The following B3GNT3 variants were observed in gnomAD, a reference collection of about 807,000 sequenced individuals.
B3GNT3 encodes the protein UDP-GlcNAc:betaGal beta-1,3-N-acetylglucosaminyltransferase 3.
B3GNT3 carries 7 observed loss-of-function variants against 11.6 expected under a neutral mutation model. The observed-to-expected ratio is 0.60, with a 90% CI of 0.34 to 1.13. The LOEUF is 1.13. B3GNT3 is among the 50% of genes most tolerant of loss of function. The pLI is 0.03. For synonymous variants in B3GNT3, 201 were observed against 222.1 expected, an observed-to-expected ratio of 0.90 and a Z score of 0.85; for missense variants, 400 against 507.4, an observed-to-expected ratio of 0.79 and a Z score of 2.03.
rs2094182740 is a variant in B3GNT3, at chr19:17,812,702, AT to A, written c.*581del. 6.6e-6 allele frequency: 1 copy of A among 152,654 alleles called. No individual in the cohort carries two copies. The highest frequency in any genetic ancestry group is 2.1e-4 in the South Asian group (1 of 4,806). The allele number at this position is 152,654 out of a possible 1,614,324, so 9.5% of individuals were successfully genotyped here. On this transcript the variant is annotated 3_prime_UTR_variant, in exon 3 of 3. Transcript: ENST00000318683. ...GCCCCCTCCTTACTTGTGGGATCAA[AT>A]GCTGTAATGGTGGAGGTGTGGGCAG...
At chr19:17,797,993 C>T (rs948578492) in intron 1 of B3GNT3, among the ~76,000 whole-genome samples, 6 of 152,184 alleles carry the variant, frequency 3.9e-5, no homozygotes, top group African/African-American at 1.2e-4. Flanking sequence ...TGGCCTCAGT[C>T]GGCTGTGTGA....
chr19:17,801,615 C>T (rs1431122170), intron 1 of B3GNT3, among the ~76,000 whole-genome samples: 2 of 152,102 alleles, frequency 1.3e-5, no homozygotes, highest in Non-Finnish European at 2.9e-5. Flanking sequence ...TCCCAAGTAG[C>T]TGGGACTACA....
intron 1 of B3GNT3, among the ~76,000 whole-genome samples, chr19:17,799,617 C>A (rs1381905299): frequency 6.6e-6 from 1 of 151,912 alleles, no homozygotes; most frequent in Non-Finnish European, 1.5e-5. Context: ...GTGGCCCCAG[C>A]TACTCGGCCC....
chr19:17,810,793 A>T (rs868863440), intron 2 of B3GNT3, among the ~76,000 whole-genome samples: 2 of 151,918 alleles, frequency 1.3e-5, no homozygotes, highest in Non-Finnish European at 2.9e-5. Context: ...AGGCAGAAGA[A>T]TTGCTTGAAC....
Position 17,795,490 on chromosome 19 carries a change from AC to A in B3GNT3, c.-51+289del, listed in dbSNP as rs931667307. 3.3e-5 allele frequency among the ~76,000 whole-genome samples: 5 copies of A among 152,006 alleles called. No individual in the cohort carries two copies. The South Asian group carries it at 8.3e-4, about 25-fold the overall frequency. On this transcript the variant is annotated intron_variant, in intron 1 of 2. Transcript: ENST00000318683. ...CCCCTCCCAGATTGGGCGGGATCAG[AC>A]CCCCGAGGCGGATGCCGCTTAGTCA...
intron 1 of B3GNT3, among the ~76,000 whole-genome samples, chr19:17,805,663 G>A (rs1400727475): frequency 2.0e-5 from 3 of 152,092 alleles, no homozygotes; most frequent in Non-Finnish European, 4.4e-5. Flanking sequence ...CACTCTGTCT[G>A]GAATGCCCTT....
intron 1 of B3GNT3, among the ~76,000 whole-genome samples, chr19:17,805,430 C>G (rs1173061699): frequency 6.6e-6 from 1 of 152,136 alleles, no homozygotes; most frequent in African/African-American, 2.4e-5. Context: ...ATAAATCAAT[C>G]TGATCCCTCC....
intron 1 of B3GNT3, among the ~76,000 whole-genome samples, chr19:17,799,773 T>A (rs28415068): frequency 4.0e-4 from 15 of 37,964 alleles, no homozygotes; most frequent in Non-Finnish European, 6.4e-4. Context: ...GCGACCAGGC[T>A]GGTTAGGGGT....
intron 2 of B3GNT3, among the ~76,000 whole-genome samples, chr19:17,810,206 A>C (rs10402066): frequency 0.57 from 86,474 of 151,906 alleles, 25,067 homozygotes; most frequent in African/African-American, 0.65. Flanking sequence ...AAAACACAAA[A>C]GTGGCTAGGC....
At chr19:17,804,671 G>C (rs970338966) in intron 1 of B3GNT3, among the ~76,000 whole-genome samples, 2 of 150,588 alleles carry the variant, frequency 1.3e-5, no homozygotes, top group African/African-American at 4.9e-5. Context: ...CTGAGTAGCT[G>C]GGATTACAGG....
intron 2 of B3GNT3, among the ~76,000 whole-genome samples, chr19:17,810,355 A>T (rs2147654998): frequency 6.6e-6 from 1 of 152,118 alleles, no homozygotes; most frequent in Non-Finnish European, 1.5e-5. Context: ...GGTTGGAGTG[A>T]GTTAAGATTG....
chr19:17,807,311 A>G (rs1020137974), intron 1 of B3GNT3, among the ~76,000 whole-genome samples: 7 of 151,540 alleles, frequency 4.6e-5, no homozygotes, highest in African/African-American at 1.7e-4. Flanking sequence ...CCAACATGGT[A>G]AAACCCCGTC....
At chr19:17,806,817 T>G (rs940858068) in intron 1 of B3GNT3, among the ~76,000 whole-genome samples, 1 of 151,728 alleles carries the variant, frequency 6.6e-6, no homozygotes, top group Non-Finnish European at 1.5e-5. Context: ...CTGGGCGTGG[T>G]GGCGCGTGCC....
chr19:17,795,507 C>T (rs2094158552), intron 1 of B3GNT3, among the ~76,000 whole-genome samples: 1 of 152,236 alleles, frequency 6.6e-6, no homozygotes, highest in African/African-American at 2.4e-5. Flanking sequence ...AGGCGGATGC[C>T]GCTTAGTCAG....
chr19:17,811,512 G>C lies in B3GNT3; in HGVS notation c.568-59G>C. Reference sequence around the variant, plus strand: ...TTAGTGGGCTGGAGTGGCTAATAGAGACCCAAGGCCAATTTCTCCAGCCCT... The same window carrying C: ...TTAGTGGGCTGGAGTGGCTAATAGACACCCAAGGCCAATTTCTCCAGCCCT... On this transcript the variant is annotated intron_variant, in intron 2 of 2. Transcript: ENST00000318683. This position sits in a 1 kb window ranked among gnomAD's most constrained non-coding sequence, Gnocchi z 4.1. The C allele has an allele frequency of 6.6e-7, 1 of 1,523,466 alleles. No homozygotes were observed. The highest frequency in any genetic ancestry group is 8.8e-7 in the Non-Finnish European group (1 of 1,131,226). The allele number at this position is 1,523,466 out of a possible 1,614,324, so 94.4% of individuals were successfully genotyped here.
In B3GNT3 at chr19:17,807,986, C is replaced by G. The variant is rs377004909; in HGVS notation, c.179C>G (p.Pro60Arg). The change falls in exon 2 of 3, where the codon CCG (proline) becomes CGG (arginine). Residue 60 changes from proline (P) to arginine (R), a missense_variant. Transcript: ENST00000318683. ...PTPPTRPAPA[P>R]CHANTSMVTH... ...CCACCCACCCGCCCAGCCCCGGCCC[C>G]GTGCCATGCCAACACCTCTATGGTC... 2 of 1,530,906 alleles carry G rather than the reference C, an allele frequency of 1.3e-6. No individual in the cohort carries two copies. Among genetic ancestry groups the G allele is most frequent in the Non-Finnish European group, 1.8e-6 (2 of 1,107,242 alleles). The allele number at this position is 1,530,906 out of a possible 1,614,324, so 94.8% of individuals were successfully genotyped here. A position where few individuals can be genotyped will look rare whatever the true frequency, so the allele number is the denominator to read the frequency against.
At chr19:17,809,354 G>A (rs1226327963) in intron 2 of B3GNT3, among the ~76,000 whole-genome samples, 3 of 151,910 alleles carry the variant, frequency 2.0e-5, no homozygotes, top group Admixed American at 1.3e-4. Context: ...AGGGAGGATC[G>A]CTTGAGCCCA....
chr19:17,809,316 G>C (rs1743125581), intron 2 of B3GNT3, among the ~76,000 whole-genome samples: 1 of 151,008 alleles, frequency 6.6e-6, no homozygotes. Context: ...GCTCATGCCT[G>C]TAATCCCAGC....
chr19:17,798,900 T>G (rs2094162533), intron 1 of B3GNT3, among the ~76,000 whole-genome samples: 1 of 151,632 alleles, frequency 6.6e-6, no homozygotes, highest in Non-Finnish European at 1.5e-5. Flanking sequence ...AGCCCTGGAG[T>G]TGGAGGCTGC....
Sources: gnomAD v4.1 joint callset for allele counts (sites outside exome capture counted in the v4.1 genomes callset) on GRCh38, gnomAD v4.1.1 for gene constraint, Gnocchi (gnomAD v3.1) non-coding constraint, MANE v1.5 for transcripts, NCBI Gene and HGNC (gene_info 2026-07-23, HGNC 2026-07-21) for gene names.